Variants in BNIP2 observed in about 807,000 individuals in gnomAD.
BNIP2 encodes the protein BCL2 interacting protein 2.
A neutral mutation model predicts 43.4 loss-of-function variants in BNIP2; 36 were observed. The observed-to-expected ratio is 0.83, with a 90% CI of 0.64 to 1.10. The LOEUF is 1.10. Among genes scored for constraint, BNIP2 ranks in the 50% least tolerant of loss-of-function variants. The pLI, the probability that BNIP2 is intolerant of heterozygous loss-of-function variation, is 0.00. For missense variants in BNIP2, 417 were observed against 374.1 expected (o/e 1.11, Z -0.95); for synonymous variants, 146 against 121.0 (o/e 1.21, Z -1.35).
In BNIP2 at chr15:59,687,154, T is replaced by G. The variant is rs115110810; in HGVS notation, c.-58+1981A>C. On this transcript the variant is annotated intron_variant, in intron 1 of 9. Coordinates refer to ENST00000607373, the MANE Select transcript of BNIP2 (RefSeq NM_004330.4). The stretch of plus-strand genomic sequence containing the variant: ...CTACAAAAGTTACATTTATTGTCAC[T>G]ATGCGGAACACACTTGAAAATGCTG... Among the ~76,000 whole-genome samples the G allele has an allele frequency of 5.0e-3, 764 of 152,348 alleles. 10 individuals are homozygous for G. Among genetic ancestry groups the G allele is most frequent in the African/African-American group, 0.018 (740 of 41,580 alleles).
Position 59,677,466 on chromosome 15 carries a change from G to C in BNIP2, c.472+445C>G, listed in dbSNP as rs1893378645. On this transcript the variant is annotated intron_variant, in intron 5 of 9. Coordinates refer to ENST00000607373, the MANE Select transcript of BNIP2 (RefSeq NM_004330.4). ...TAGTGCATCTCAGAGCCATAGAGCA[G>C]GTGACTGGAAATCTAACTCAGTATA... is the stretch of plus-strand genomic sequence containing the variant. The C allele has an allele frequency of 2.8e-6, 4 of 1,416,526 alleles. No homozygotes were observed. The South Asian group carries it at 6.0e-5, about 21-fold the overall frequency. 87.7% of individuals were successfully genotyped at this position (1,416,526 alleles called of 1,614,324 possible). A position where few individuals can be genotyped will look rare whatever the true frequency, so the allele number is the denominator to read the frequency against.
chr15:59,675,948 G>C (rs186190317), intron 5 of BNIP2, among the ~76,000 whole-genome samples: 22 of 152,328 alleles, frequency 1.4e-4, no homozygotes, highest in Non-Finnish European at 2.8e-4. Context: ...GGCTACCGAA[G>C]CTGAGTATTC....
intron 1 of BNIP2, among the ~76,000 whole-genome samples, chr15:59,685,459 C>T (rs1566983577): frequency 6.6e-6 from 1 of 152,168 alleles, no homozygotes; most frequent in Non-Finnish European, 1.5e-5. Context: ...TGAGATTGCA[C>T]CACTGCACTA....
At position 59,675,965 on chromosome 15, in the gene BNIP2, C is replaced by T. The variant is rs116667772; in HGVS notation, c.472+1946G>A. Among the ~76,000 whole-genome samples, 534 of 152,226 alleles carry T rather than the reference C, an allele frequency of 3.5e-3. 2 individuals are homozygous for T. The highest frequency in any genetic ancestry group is 0.01 in the African/African-American group (430 of 41,516). ...CTACCGAAGCTGAGTATTCATTGCA[C>T]AGGGGTACTAAATAATTCTTCTGGG... On this transcript the variant is annotated intron_variant, in intron 5 of 9. Transcript: ENST00000607373.
Position 59,679,585 on chromosome 15 carries a change from CAT to C in BNIP2, c.295+5_295+6del. ...AAAGATCAGATTAAAAACAGTGAAA[CAT>C]TTACCTTCCCACTCAAACTCATTAC... On this transcript the variant is annotated splice_donor_5th_base_variant and intron_variant, in intron 4 of 9. Transcript: ENST00000607373. 1.9e-6 allele frequency: 3 copies of C among 1,610,248 alleles called. No homozygotes were observed. The highest frequency in any genetic ancestry group is 2.5e-6 in the Non-Finnish European group (3 of 1,178,244).
At chr15:59,683,008 C>T (rs1893789540) in intron 1 of BNIP2, among the ~76,000 whole-genome samples, 1 of 152,152 alleles carries the variant, frequency 6.6e-6, no homozygotes, top group Non-Finnish European at 1.5e-5. Flanking sequence ...TAGTTTGATG[C>T]CACAATTCCT....
chr15:59,669,509 G>A, intron 7 of BNIP2, 147 bp from the exon 8 acceptor site: 1 of 535,876 alleles, frequency 1.9e-6, no homozygotes, highest in South Asian at 3.4e-5. Flanking sequence ...ACAAGAAAAT[G>A]CACTCTTAAA....
rs1476538557 is a variant in BNIP2 at position 59,660,931 on chromosome 15, T to C, written c.*3138A>G. Reference sequence around the variant, plus strand: ...TATCATGGGTATGTATTATCAACTTTTCCCCCTTCAATCCACAGTCTTTAT... The same window carrying C: ...TATCATGGGTATGTATTATCAACTTCTCCCCCTTCAATCCACAGTCTTTAT... On this transcript the variant is annotated 3_prime_UTR_variant, in exon 10 of 10. Coordinates refer to ENST00000607373, the MANE Select transcript of BNIP2 (RefSeq NM_004330.4). 6.6e-6 allele frequency: 1 copy of C among 152,358 alleles called. No individual in the cohort carries two copies. The highest frequency in any genetic ancestry group is 6.5e-5 in the Admixed American group (1 of 15,304). 9.4% of individuals were successfully genotyped at this position (152,358 alleles called of 1,614,324 possible). A position where few individuals can be genotyped will look rare whatever the true frequency, so the allele number is the denominator to read the frequency against.
chr15:59,671,630 CCT>C (rs770644912), intron 6 of BNIP2, among the ~76,000 whole-genome samples: 6 of 152,052 alleles, frequency 3.9e-5, no homozygotes, highest in Admixed American at 1.3e-4. Flanking sequence ...TCTCTTTACC[CCT>C]GTGTATGTCT....
At chr15:59,674,104 AAAC>A (rs1893113425) in intron 5 of BNIP2, among the ~76,000 whole-genome samples, 1 of 150,522 alleles carries the variant, frequency 6.6e-6, no homozygotes, top group Admixed American at 6.6e-5. Context: ...AAAAAAACAA[AAAC>A]AAAAACAAAA....
chr15:59,666,391 G>C (rs1429043622), intron 9 of BNIP2, among the ~76,000 whole-genome samples: 1 of 152,192 alleles, frequency 6.6e-6, no homozygotes, highest in Non-Finnish European at 1.5e-5. Context: ...TTTAGGCTGG[G>C]CGTGGTAGCT....
At position 59,679,573 on chromosome 15, in the gene BNIP2, A is replaced by G. The variant is rs543545888; in HGVS notation, c.295+19T>C. On this transcript the variant is annotated intron_variant, in intron 4 of 9. Transcript: ENST00000607373. ...TAGTACATTAATAAAGATCAGATTAAAAACAGTGAAACATTTACCTTCCCA... is the reference window on the plus strand; with the variant it reads ...TAGTACATTAATAAAGATCAGATTAGAAACAGTGAAACATTTACCTTCCCA... 8.1e-6 allele frequency: 13 copies of G among 1,606,982 alleles called. No homozygotes were observed. The highest frequency in any genetic ancestry group is 6.7e-5 in the African/African-American group (5 of 74,814).
rs1284092599 is a variant in BNIP2, at chr15:59,669,085, T to C, written c.795-95A>G. ...TACAAAAATCATGTCATTTTGAATG[T>C]TCAAAACACAAAAAGATGATAAATG... is the stretch of plus-strand genomic sequence containing the variant. On this transcript the variant is annotated intron_variant, in intron 8 of 9. Transcript: ENST00000607373. 29 of 1,223,880 alleles carry C rather than the reference T, an allele frequency of 2.4e-5. No individual in the cohort carries two copies. In the Middle Eastern group the frequency reaches 1.0e-3, roughly 42 times the overall value. The allele number at this position is 1,223,880 out of a possible 1,614,324, so 75.8% of individuals were successfully genotyped here. A position where few individuals can be genotyped will look rare whatever the true frequency, so the allele number is the denominator to read the frequency against.
chr15:59,689,068 C>A (rs1894213280), intron 1 of BNIP2, 67 bp downstream of exon 1: 9 of 1,478,266 alleles, frequency 6.1e-6, no homozygotes, highest in Middle Eastern at 2.2e-4. Context: ...GACAGACTTT[C>A]GCCCCTAGGC....
chr15:59,672,425 T>C (rs1008140812), intron 6 of BNIP2: 14 of 401,400 alleles, frequency 3.5e-5, no homozygotes, highest in Non-Finnish European at 6.4e-5. Context: ...AGGCCCATAC[T>C]ACCATGCCTG....
intron 2 of BNIP2, 27 bp downstream of exon 2, chr15:59,682,381 T>C (rs759738450): frequency 6.3e-5 from 99 of 1,567,292 alleles, no homozygotes; most frequent in Middle Eastern, 1.7e-4. Context: ...TGCTCTAAAA[T>C]TGTTTTCTTT....
chr15:59,670,033 C>A (rs575654529), intron 7 of BNIP2, among the ~76,000 whole-genome samples: 1 of 152,182 alleles, frequency 6.6e-6, no homozygotes, highest in African/African-American at 2.4e-5. Flanking sequence ...TCAAACCAAT[C>A]GGAAGATCAC....
At position 59,679,730 on chromosome 15, in the gene BNIP2, G is replaced by C. The variant is rs371839034; in HGVS notation, c.157C>G (p.Leu53Val). 3.1e-5 allele frequency: 48 copies of C among 1,566,574 alleles called. No homozygotes were observed. The highest frequency in any genetic ancestry group is 4.0e-5 in the Non-Finnish European group (47 of 1,163,416). ...GTCAGGCTAATGTCTGGAGCCATTA[G>C]TTTCTTTCTCACTTTATTTCCATTA... is the stretch of plus-strand genomic sequence containing the variant. Reference protein sequence around the residue: ...EVNGNKVRKKLMAPDISLTLD... With the variant: ...EVNGNKVRKKVMAPDISLTLD... The change falls in exon 4 of 10, where the codon CTA (leucine) becomes GTA (valine). Residue 53 changes from leucine (L) to valine (V), a missense_variant. Coordinates refer to ENST00000607373, the MANE Select transcript of BNIP2 (RefSeq NM_004330.4).
chr15:59,668,769 C>T, intron 9 of BNIP2, 123 bp downstream of exon 9: 1 of 805,406 alleles, frequency 1.2e-6, no homozygotes, highest in Non-Finnish European at 1.9e-6. Context: ...CACACACACA[C>T]ACACGCGCGC....
Sources: gnomAD v4.1 joint callset for allele counts (sites outside exome capture counted in the v4.1 genomes callset) on GRCh38, gnomAD v4.1.1 for gene constraint, MANE v1.5 for transcripts, NCBI Gene and HGNC (gene_info 2026-07-23, HGNC 2026-07-21) for gene names.